The following LMNA variants were observed in gnomAD, a reference collection of about 807,000 sequenced individuals.
LMNA encodes lamin A/C, also known as lamin.
A neutral mutation model predicts 70.4 loss-of-function variants in LMNA; 20 were observed. That is an observed-to-expected ratio of 0.28 (90% confidence interval 0.20 to 0.41). LMNA has a LOEUF of 0.41. Among genes scored for constraint, LMNA ranks in the 10% least tolerant of loss-of-function variants. The pLI is 1.00. For synonymous variants in LMNA, 339 were observed against 372.8 expected, an observed-to-expected ratio of 0.91 and a Z score of 1.04; for missense variants, 652 against 917.2, an observed-to-expected ratio of 0.71 and a Z score of 3.73.
intron 1 of LMNA, among the ~76,000 whole-genome samples, chr1:156,128,045 G>A (rs556466589): frequency 6.6e-6 from 1 of 152,094 alleles, no homozygotes; most frequent in Non-Finnish European, 1.5e-5. Context: ...GGTACAGCAT[G>A]GATTTCCAGC....
Position 156,134,725 on chromosome 1 carries a change from G to C in LMNA, c.640-80G>C, listed in dbSNP as rs1220708556. On this transcript the variant is annotated intron_variant, in intron 3 of 11. Transcript: ENST00000368300. This position sits in a 1 kb window ranked among gnomAD's most constrained non-coding sequence, Gnocchi z 5.3. ...GTGGCTCATGGAGTAGGGCTGGGCA[G>C]GGAGCCCCGCCCCTGGGTCTTGGCC... 1.3e-6 allele frequency: 2 copies of C among 1,589,840 alleles called. No homozygotes were observed. The highest frequency in any genetic ancestry group is 2.7e-5 in the African/African-American group (2 of 74,440).
In LMNA at chr1:156,137,911, C is replaced by T; in HGVS notation, c.1698+168C>T. 1.4e-6 allele frequency: 2 copies of T among 1,402,406 alleles called. No individual in the cohort carries two copies. The highest frequency in any genetic ancestry group is 1.9e-6 in the Non-Finnish European group (2 of 1,051,040). 86.9% of individuals were successfully genotyped at this position (1,402,406 alleles called of 1,614,324 possible). A position where few individuals can be genotyped will look rare whatever the true frequency, so the allele number is the denominator to read the frequency against. ...TTCTCTCTCCTCCCTATACCTTGAA[C>T]AGGGAACCCAGGTGTCTGGGTGCCC... On this transcript the variant is annotated intron_variant, in intron 10 of 11. Coordinates refer to ENST00000368300, the MANE Select transcript of LMNA (RefSeq NM_170707.4). This position sits in a 1 kb window ranked among gnomAD's most constrained non-coding sequence, Gnocchi z 4.6.
At chr1:156,132,263 A>T (rs1265154119) in intron 2 of LMNA, among the ~76,000 whole-genome samples, 1 of 152,166 alleles carries the variant, frequency 6.6e-6, no homozygotes. Context: ...TGAGGTTAGG[A>T]GTTCGAGACT....
At chr1:156,127,343 G>A (rs368159265) in intron 1 of LMNA, among the ~76,000 whole-genome samples, 385 of 152,152 alleles carry the variant, frequency 2.5e-3, no homozygotes, top group African/African-American at 8.7e-3. Flanking sequence ...CTTCTTCCCC[G>A]CAGATGGGAG....
At chr1:156,114,323 C>T (rs1360450215), upstream of LMNA, among the ~76,000 whole-genome samples, 1 of 152,144 alleles carries the variant, frequency 6.6e-6, no homozygotes, top group Non-Finnish European at 1.5e-5. Flanking sequence ...AGCCCTCCCC[C>T]CACTTTCCTG....
At position 156,130,727 on chromosome 1, in the gene LMNA, G is replaced by T; in HGVS notation, c.467G>T (p.Arg156Leu). ...CTGAGCACTGCTCTCAGTGAGAAGCGCACGCTGGAGGGCGAGCTGCATGAT... is the reference window on the plus strand; with the variant it reads ...CTGAGCACTGCTCTCAGTGAGAAGCTCACGCTGGAGGGCGAGCTGCATGAT... The part of the protein sequence containing the change: ...AALSTALSEK[R>L]TLEGELHDLR... The change falls in exon 2 of 12, where the codon CGC becomes CTC. Residue 156 changes from arginine (R) to leucine (L), a missense_variant. By Grantham distance (102) the Arg-to-Leu change is moderately radical (BLOSUM62 -2). Coordinates refer to ENST00000368300, the MANE Select transcript of LMNA (RefSeq NM_170707.4). 6.2e-7 allele frequency: 1 copy of T among 1,609,876 alleles called. No homozygotes were observed. Among genetic ancestry groups the T allele is most frequent in the Non-Finnish European group, 8.5e-7 (1 of 1,178,336 alleles).
intron 2 of LMNA, among the ~76,000 whole-genome samples, chr1:156,131,323 C>T (rs1407691220): frequency 6.6e-6 from 1 of 152,180 alleles, no homozygotes; most frequent in Non-Finnish European, 1.5e-5. Context: ...TGTGGTGGCT[C>T]ATGCCTGTAA....
chr1:156,118,494 G>A (rs965736609), intron 1 of LMNA, among the ~76,000 whole-genome samples: 11 of 152,118 alleles, frequency 7.2e-5, no homozygotes, highest in Non-Finnish European at 1.6e-4. Context: ...GATCCTGGCT[G>A]GAAAGGCTGG....
chr1:156,139,905 G>C lies in LMNA; in HGVS notation c.*799G>C, dbSNP rs529375252. 2.8e-3 allele frequency: 3,835 copies of C among 1,358,498 alleles called. 15 individuals are homozygous for C. The highest frequency in any genetic ancestry group is 3.2e-3 in the Non-Finnish European group (3,303 of 1,031,624). The allele number at this position is 1,358,498 out of a possible 1,614,324, so 84.2% of individuals were successfully genotyped here. A position where few individuals can be genotyped will look rare whatever the true frequency, so the allele number is the denominator to read the frequency against. On this transcript the variant is annotated 3_prime_UTR_variant, in exon 12 of 12. Coordinates refer to ENST00000368300, the MANE Select transcript of LMNA (RefSeq NM_170707.4). ...GAAGCCAAGTGGGGTGCTGGGAGGA[G>C]GGAGAGGGAGGTCACTGGAAAGGGG...
intron 1 of LMNA, among the ~76,000 whole-genome samples, chr1:156,117,344 C>T (rs1291059098): frequency 1.3e-5 from 2 of 151,974 alleles, no homozygotes; most frequent in African/African-American, 2.4e-5. Flanking sequence ...AAGCCATGCT[C>T]CTGCCTCAGC....
Position 156,134,615 on chromosome 1 carries a change from G to A in LMNA, c.639+87G>A. On this transcript the variant is annotated intron_variant, in intron 3 of 11. Coordinates refer to ENST00000368300, the MANE Select transcript of LMNA (RefSeq NM_170707.4). The surrounding 1 kb of genome is among the most constrained non-coding windows in gnomAD (Gnocchi z 5.3). Reference sequence around the variant, plus strand: ...CTAGGGGGGACCAGCTGTGTGCAGAGCTCGCCTTCCTGAGTCCCTTGCCCT... The same window carrying A: ...CTAGGGGGGACCAGCTGTGTGCAGAACTCGCCTTCCTGAGTCCCTTGCCCT... 2 of 1,593,890 alleles carry A rather than the reference G, an allele frequency of 1.3e-6. No individual in the cohort carries two copies. Among genetic ancestry groups the A allele is most frequent in the Non-Finnish European group, 8.6e-7 (1 of 1,165,188 alleles).
chr1:156,126,212 C>T, intron 1 of LMNA: 1 of 1,524,306 alleles, frequency 6.6e-7, no homozygotes, highest in South Asian at 1.2e-5. Context: ...CAATGGGGAA[C>T]TCTGAGGGCT....
chr1:156,094,655 G>A (rs530096414), intron 3 of LMNA, among the ~76,000 whole-genome samples: 1 of 151,962 alleles, frequency 6.6e-6, no homozygotes, highest in Non-Finnish European at 1.5e-5. Context: ...GGCCAAGGAG[G>A]AGTTGTGTCT....
rs886045365 is a variant in LMNA at position 156,134,392 on chromosome 1, C to T, written c.514-11C>T. The T allele has an allele frequency of 6.2e-6, 10 of 1,613,900 alleles. No homozygotes were observed. Among genetic ancestry groups the T allele is most frequent in the Non-Finnish European group, 8.5e-6 (10 of 1,179,996 alleles). The stretch of plus-strand genomic sequence containing the variant: ...GACCCCTTTTCCTCATCTCTGCCTG[C>T]TTCCTCACAGCTTGAGGCAGCCCTA... On this transcript the variant is annotated splice_polypyrimidine_tract_variant and intron_variant, in intron 2 of 11. Transcript: ENST00000368300. This position sits in a 1 kb window ranked among gnomAD's most constrained non-coding sequence, Gnocchi z 5.3.
At position 156,138,463 on chromosome 1, in the gene LMNA, G is replaced by A. The variant is rs768646227; in HGVS notation, c.1699-25G>A. 7 of 1,608,490 alleles carry A rather than the reference G, an allele frequency of 4.4e-6. No individual in the cohort carries two copies. In the East Asian group the frequency reaches 1.1e-4, roughly 26 times the overall value. On this transcript the variant is annotated intron_variant, in intron 10 of 11. Coordinates refer to ENST00000368300, the MANE Select transcript of LMNA (RefSeq NM_170707.4). This position sits in a 1 kb window ranked among gnomAD's most constrained non-coding sequence, Gnocchi z 5.5. ...TGGTCAGTCCCAGACTCGCCGTCCC[G>A]CCTGAGCCTTGTCTCCCTTCCCAGG...
chr1:156,139,907 G>A lies in LMNA; in HGVS notation c.*801G>A, dbSNP rs781055697. 18 of 1,360,158 alleles carry A rather than the reference G, an allele frequency of 1.3e-5. No homozygotes were observed. The highest frequency in any genetic ancestry group is 2.5e-4 in the Middle Eastern group (1 of 3,986). The allele number at this position is 1,360,158 out of a possible 1,614,324, so 84.3% of individuals were successfully genotyped here. A position where few individuals can be genotyped will look rare whatever the true frequency, so the allele number is the denominator to read the frequency against. The stretch of plus-strand genomic sequence containing the variant: ...AGCCAAGTGGGGTGCTGGGAGGAGG[G>A]AGAGGGAGGTCACTGGAAAGGGGAG... On this transcript the variant is annotated 3_prime_UTR_variant, in exon 12 of 12. Coordinates refer to ENST00000368300, the MANE Select transcript of LMNA (RefSeq NM_170707.4).
rs983492879 is a variant in LMNA, at chr1:156,103,596, C to G, written c.-206-11117C>G. ...CCTAGCCAACCCCTCCTTGCAAGCC[C>G]TCATTCGGGCGGGGAGAAGGAAGGG... On this transcript the variant is annotated intron_variant, in intron 3 of 12. Transcript: ENST00000368301. The surrounding 1 kb of genome is among the most constrained non-coding windows in gnomAD (Gnocchi z 4.7). Among the ~76,000 whole-genome samples the G allele has an allele frequency of 2.0e-5, 3 of 152,136 alleles. No individual in the cohort carries two copies. The highest frequency in any genetic ancestry group is 7.2e-5 in the African/African-American group (3 of 41,422).
In LMNA at chr1:156,135,896, T is replaced by C. The variant is rs1001248677; in HGVS notation, c.937-5T>C. ...AGCTCACCAAACCCTCCCACCCCCC[T>C]TCAGCTGGCAGCCAAGGAGGCGAAG... On this transcript the variant is annotated splice_polypyrimidine_tract_variant and splice_region_variant and intron_variant, in intron 5 of 11. Transcript: ENST00000368300. This position sits in a 1 kb window ranked among gnomAD's most constrained non-coding sequence, Gnocchi z 4.8. 1.8e-5 allele frequency: 22 copies of C among 1,222,554 alleles called. No individual in the cohort carries two copies. The highest frequency in any genetic ancestry group is 2.5e-5 in the Non-Finnish European group (21 of 841,524). 75.7% of individuals were successfully genotyped at this position (1,222,554 alleles called of 1,614,324 possible). A position where few individuals can be genotyped will look rare whatever the true frequency, so the allele number is the denominator to read the frequency against.
chr1:156,139,480 GC>G lies in LMNA; in HGVS notation c.*379del. On this transcript the variant is annotated 3_prime_UTR_variant, in exon 12 of 12. Coordinates refer to ENST00000368300, the MANE Select transcript of LMNA (RefSeq NM_170707.4). Reference sequence around the variant, plus strand: ...CTTCTGCTTTTCTGCCCTGGCTGCTGCCCCCACCCCGGGGACCCTGTGACAT... The same window carrying G: ...CTTCTGCTTTTCTGCCCTGGCTGCTGCCCCACCCCGGGGACCCTGTGACAT... 7.5e-7 allele frequency: 1 copy of G among 1,333,062 alleles called. No homozygotes were observed. The highest frequency in any genetic ancestry group is 9.6e-7 in the Non-Finnish European group (1 of 1,043,986). The allele number at this position is 1,333,062 out of a possible 1,614,324, so 82.6% of individuals were successfully genotyped here.
Sources: gnomAD v4.1 joint callset for allele counts (sites outside exome capture counted in the v4.1 genomes callset) on GRCh38, gnomAD v4.1.1 for gene constraint, Gnocchi (gnomAD v3.1) non-coding constraint, MANE v1.5 for transcripts, NCBI Gene and HGNC (gene_info 2026-07-23, HGNC 2026-07-21) for gene names.